The following MYRIP variants were observed in gnomAD, a reference collection of about 807,000 sequenced individuals.
MYRIP encodes the protein rab effector MyRIP.
In MYRIP, 49 loss-of-function variants were observed where a neutral mutation model predicts 98.0. That is an observed-to-expected ratio of 0.50 (90% CI 0.40 to 0.63). The LOEUF is 0.63. Ranked by LOEUF, MYRIP falls within the 30% of genes least tolerant of loss-of-function variation. MYRIP has a pLI of 0.00. For missense variants in MYRIP, 1,004 were observed against 1,058.2 expected (o/e 0.95, Z 0.71); for synonymous variants, 404 against 409.5 (o/e 0.99, Z 0.16).
At chr3:40,201,847 A>G (rs1022253664) in intron 10 of MYRIP, among the ~76,000 whole-genome samples, 2 of 152,208 alleles carry the variant, frequency 1.3e-5, no homozygotes, top group Non-Finnish European at 2.9e-5. Flanking sequence ...AACTAGTTTT[A>G]GGTGAACAGC....
chr3:40,026,300 CG>C (rs1216323320), intron 2 of MYRIP, among the ~76,000 whole-genome samples: 1 of 152,096 alleles, frequency 6.6e-6, no homozygotes, highest in Admixed American at 6.5e-5. Flanking sequence ...GCAGTCAGAC[CG>C]TATGGTTGTC....
intron 2 of MYRIP, among the ~76,000 whole-genome samples, chr3:39,968,610 G>A (rs2125741368): frequency 6.6e-6 from 1 of 152,246 alleles, no homozygotes; most frequent in East Asian, 1.9e-4. Context: ...ATTTTTGTCA[G>A]TTTTCTTGAA....
At chr3:40,209,718 A>C in intron 10 of MYRIP, 136 bp from the exon 11 acceptor site, 1 of 1,173,208 alleles carries the variant, frequency 8.5e-7, no homozygotes, top group Non-Finnish European at 1.2e-6. Flanking sequence ...CTGAAGAGAA[A>C]GCAGACCAGG....
intron 1 of MYRIP, among the ~76,000 whole-genome samples, chr3:39,878,914 A>T (rs1477338976): frequency 1.3e-5 from 2 of 151,430 alleles, no homozygotes; most frequent in Non-Finnish European, 2.9e-5. Context: ...AAAAAAAAAA[A>T]AAATAGCTGG....
At chr3:40,240,726 C>T (rs1952983434) in intron 12 of MYRIP, among the ~76,000 whole-genome samples, 1 of 152,196 alleles carries the variant, frequency 6.6e-6, no homozygotes, top group Non-Finnish European at 1.5e-5. Flanking sequence ...CTAATCCCAC[C>T]CTCCACAGCA....
chr3:40,167,232 TGCAGAA>T lies in MYRIP; in HGVS notation c.724_729del (p.Gln242_Lys243del), dbSNP rs1183499673. 1 of 1,614,024 alleles carries T rather than the reference TGCAGAA, an allele frequency of 6.2e-7. No homozygotes were observed. The highest frequency in any genetic ancestry group is 8.5e-7 in the Non-Finnish European group (1 of 1,180,022). On this transcript the variant is annotated inframe_deletion and splice_region_variant, in exon 7 of 17. Transcript: ENST00000302541. ...ACTGAGGAACTGGCCACGACAATCC[TGCAGAA>T]GGTAGGTGGGTCCTGGCAGTGGGAT...
intron 2 of MYRIP, among the ~76,000 whole-genome samples, chr3:40,041,039 A>T (rs1301148068): frequency 1.4e-5 from 2 of 148,100 alleles, no homozygotes; most frequent in Non-Finnish European, 3.0e-5. Context: ...AAAAAAAAAA[A>T]AAATCAAAGC....
chr3:40,238,769 AAAAAAT>A (rs922678669), intron 12 of MYRIP: 3 of 152,204 alleles, frequency 2.0e-5, no homozygotes, highest in Non-Finnish European at 2.9e-5. Flanking sequence ...AAAAAGGAAA[AAAAAAT>A]AAAAATACTT....
chr3:40,069,921 T>A (rs1414073838), intron 3 of MYRIP, among the ~76,000 whole-genome samples: 2 of 152,178 alleles, frequency 1.3e-5, no homozygotes, highest in Admixed American at 1.3e-4. Flanking sequence ...CAAATACATT[T>A]TAAACATTTA....
chr3:40,130,935 G>T (rs1559413312), intron 3 of MYRIP, among the ~76,000 whole-genome samples: 1 of 152,078 alleles, frequency 6.6e-6, no homozygotes, highest in Non-Finnish European at 1.5e-5. Flanking sequence ...CTGTTACACT[G>T]TGAGCTCACT....
chr3:40,087,515 A>G (rs1455874037), intron 3 of MYRIP, among the ~76,000 whole-genome samples: 1 of 152,148 alleles, frequency 6.6e-6, no homozygotes, highest in Admixed American at 6.5e-5. Flanking sequence ...TACAGAGGGC[A>G]TTTATCTAGT....
At chr3:39,884,932 C>A (rs1943251196) in intron 1 of MYRIP, among the ~76,000 whole-genome samples, 2 of 105,944 alleles carry the variant, frequency 1.9e-5, no homozygotes, top group Non-Finnish European at 3.5e-5. Flanking sequence ...CCTCCCCCCA[C>A]CCCCCTTCTC....
chr3:40,169,555 A>G (rs1258047028), intron 7 of MYRIP, among the ~76,000 whole-genome samples: 1 of 152,154 alleles, frequency 6.6e-6, no homozygotes, highest in African/African-American at 2.4e-5. Context: ...CAGCTCCACC[A>G]TTTATGAGCT....
In MYRIP at chr3:40,133,956, G is replaced by A. The variant is rs556890251; in HGVS notation, c.333-17092G>A. On this transcript the variant is annotated intron_variant, in intron 3 of 16. Transcript: ENST00000302541. Reference sequence around the variant, plus strand: ...CCAGTCTACAGCTCCCAGCATGAGCGATGCAAAAGACGGGTGATTTCTCCA... The same window carrying A: ...CCAGTCTACAGCTCCCAGCATGAGCAATGCAAAAGACGGGTGATTTCTCCA... Among the ~76,000 whole-genome samples, 33 of 152,294 alleles carry A rather than the reference G, an allele frequency of 2.2e-4. No individual in the cohort carries two copies. The South Asian group carries it at 6.0e-3, about 28-fold the overall frequency.
chr3:40,226,938 G>T, intron 11 of MYRIP, among the ~76,000 whole-genome samples: 1 of 152,156 alleles, frequency 6.6e-6, no homozygotes, highest in East Asian at 1.9e-4. Context: ...AGCCTGCCCT[G>T]GGCTGCAGTG....
At chr3:40,219,084 G>A (rs935153440) in intron 11 of MYRIP, among the ~76,000 whole-genome samples, 1 of 152,124 alleles carries the variant, frequency 6.6e-6, no homozygotes, top group African/African-American at 2.4e-5. Context: ...AGGAATATTA[G>A]ATTAACAAAT....
chr3:40,070,876 T>G (rs1239219782), intron 3 of MYRIP, among the ~76,000 whole-genome samples: 1 of 152,190 alleles, frequency 6.6e-6, no homozygotes, highest in Non-Finnish European at 1.5e-5. Flanking sequence ...GTCCAGCTTC[T>G]GAGAGATGTT....
chr3:40,108,280 GAC>G (rs1201509336), intron 3 of MYRIP, among the ~76,000 whole-genome samples: 1 of 57,926 alleles, frequency 1.7e-5, no homozygotes. Flanking sequence ...TGTGAAAAAA[GAC>G]AGAGTTTATA....
Position 40,213,643 on chromosome 3 carries a change from C to G in MYRIP, c.1905+3550C>G, listed in dbSNP as rs148019812. 7.3e-5 allele frequency among the ~76,000 whole-genome samples: 11 copies of G among 151,112 alleles called. No homozygotes were observed. The East Asian group carries it at 2.2e-3, about 30-fold the overall frequency. Reference sequence around the variant, plus strand: ...ACACACACACAGACACACACACACACTCTTTGGGGAGTAGATCTACGGTAA... The same window carrying G: ...ACACACACACAGACACACACACACAGTCTTTGGGGAGTAGATCTACGGTAA... On this transcript the variant is annotated intron_variant, in intron 11 of 16. Coordinates refer to ENST00000302541, the MANE Select transcript of MYRIP (RefSeq NM_015460.4).
Sources: allele counts gnomAD v4.1 joint callset (sites outside exome capture counted in the v4.1 genomes callset), GRCh38; gene constraint gnomAD v4.1.1; transcripts MANE v1.5; gene names NCBI Gene and HGNC (gene_info 2026-07-23, HGNC 2026-07-21).